The following CSMD1 variants were observed in gnomAD, a reference collection of about 807,000 sequenced individuals.
CSMD1 encodes CUB and sushi domain-containing protein 1.
In CSMD1, 213 loss-of-function variants were observed where a neutral mutation model predicts 417.5. The observed-to-expected ratio is 0.51, with a 90% CI of 0.46 to 0.57. CSMD1 has a LOEUF of 0.57. Ranked by LOEUF, CSMD1 falls within the 20% of genes least tolerant of loss-of-function variation. The pLI is 0.00. For missense variants in CSMD1, 6,923 were observed against 4,529.7 expected (o/e 1.53, Z -15.17); for synonymous variants, 2,862 against 1,736.8 (o/e 1.65, Z -16.11).
At chr8:4,165,738 C>G (rs1797419790) in intron 3 of CSMD1, among the ~76,000 whole-genome samples, 1 of 152,166 alleles carries the variant, frequency 6.6e-6, no homozygotes, top group African/African-American at 2.4e-5. Context: ...AATCACTAAG[C>G]ATCTCATCAT....
At chr8:4,154,550 G>C (rs778610909) in intron 3 of CSMD1, among the ~76,000 whole-genome samples, 1 of 152,194 alleles carries the variant, frequency 6.6e-6, no homozygotes, top group Admixed American at 6.5e-5. Flanking sequence ...AGGACACTAT[G>C]CTTCTAACGC....
chr8:4,781,825 T>A lies in CSMD1; in HGVS notation c.86-144267A>T, dbSNP rs536078904. Among the ~76,000 whole-genome samples the A allele has an allele frequency of 5.9e-5, 9 of 152,300 alleles. No homozygotes were observed. The East Asian group carries it at 1.5e-3, about 26-fold the overall frequency. ...CTCACCTAGGCCAGTAAAACATCAT[T>A]CACGATGACGGTTCCATATTTTAGT... is the stretch of plus-strand genomic sequence containing the variant. On this transcript the variant is annotated intron_variant, in intron 1 of 69. Coordinates refer to ENST00000635120, the MANE Select transcript of CSMD1 (RefSeq NM_033225.6).
chr8:3,929,763 G>A (rs1037446196), intron 5 of CSMD1, among the ~76,000 whole-genome samples: 1 of 149,632 alleles, frequency 6.7e-6, no homozygotes, highest in African/African-American at 2.5e-5. Flanking sequence ...CTGGATACAA[G>A]CAATTCTCCT....
intron 6 of CSMD1, among the ~76,000 whole-genome samples, chr8:3,730,278 G>C (rs1407141928): frequency 1.3e-5 from 2 of 151,824 alleles, no homozygotes; most frequent in East Asian, 1.9e-4. Context: ...GAGCCCCTTG[G>C]ATGCATCATC....
intron 3 of CSMD1, among the ~76,000 whole-genome samples, chr8:4,104,604 C>A (rs1801474727): frequency 6.6e-6 from 1 of 151,952 alleles, no homozygotes; most frequent in Admixed American, 6.5e-5. Context: ...TGAGAACGGT[C>A]TGAATTAGAG....
rs896583569 is a variant in CSMD1 at position 4,459,838 on chromosome 8, A to G, written c.303-39773T>C. On this transcript the variant is annotated intron_variant, in intron 2 of 69. Transcript: ENST00000635120. ...TGGTACTTTGTGTCACTGGGCCTAG[A>G]TAACTAAAGCATGCCCCTACCAGAG... Among the ~76,000 whole-genome samples the G allele has an allele frequency of 4.6e-5, 7 of 152,206 alleles. No homozygotes were observed. In the South Asian group the frequency reaches 6.2e-4, roughly 13 times the overall value.
intron 1 of CSMD1, among the ~76,000 whole-genome samples, chr8:4,821,370 G>C (rs548078063): frequency 1.3e-5 from 2 of 152,126 alleles, no homozygotes; most frequent in Non-Finnish European, 2.9e-5. Context: ...GCTCCAAAGA[G>C]GTGCGTTTAT....
At chr8:4,444,823 A>G (rs1268939421) in intron 2 of CSMD1, among the ~76,000 whole-genome samples, 1 of 152,222 alleles carries the variant, frequency 6.6e-6, no homozygotes, top group Non-Finnish European at 1.5e-5. Flanking sequence ...GACCTCAGCC[A>G]CAAGCCTTCA....
Position 3,644,966 on chromosome 8 carries a change from G to GAAAAAAAAAA in CSMD1, c.1010-28179_1010-28170dup, listed in dbSNP as rs71203456. ...GTTACGGATCACTAAGGCTTTAAAT[G>GAAAAAAAAAA]AAAAAAAAAAAAAAAAAAAAAAAAA... On this transcript the variant is annotated intron_variant, in intron 7 of 69. Coordinates refer to ENST00000635120, the MANE Select transcript of CSMD1 (RefSeq NM_033225.6). Among the ~76,000 whole-genome samples, 58 of 64,520 alleles carry GAAAAAAAAAA rather than the reference G, an allele frequency of 9.0e-4. 5 individuals are homozygous for GAAAAAAAAAA. The highest frequency in any genetic ancestry group is 3.8e-3 in the African/African-American group (47 of 12,498). The allele number at this position is 64,520 out of a possible 152,430, so 42.3% of individuals were successfully genotyped here.
intron 1 of CSMD1, among the ~76,000 whole-genome samples, chr8:4,843,329 G>C (rs1433735623): frequency 1.3e-5 from 2 of 152,102 alleles, no homozygotes; most frequent in African/African-American, 2.4e-5. Context: ...CACTCCTGAG[G>C]CTCAAAACTT....
intron 37 of CSMD1, among the ~76,000 whole-genome samples, chr8:3,177,990 C>A (rs376797125): frequency 2.0e-5 from 3 of 152,110 alleles, no homozygotes; most frequent in Non-Finnish European, 4.4e-5. Flanking sequence ...ATAACGTGAA[C>A]GAAGACTAAA....
At chr8:3,508,983 G>A (rs985442219) in intron 10 of CSMD1, among the ~76,000 whole-genome samples, 4 of 152,176 alleles carry the variant, frequency 2.6e-5, no homozygotes, top group African/African-American at 9.6e-5. Context: ...ACTTAAGTGA[G>A]AATATCTCAG....
At position 3,969,388 on chromosome 8, in the gene CSMD1, C is replaced by A. The variant is rs556966697; in HGVS notation, c.818+28515G>T. ...GCTCAGAAGCTGAAAAACATTGCTCCAATCTCTCACTTATACCTCCTCTTC... is the reference window on the plus strand; with the variant it reads ...GCTCAGAAGCTGAAAAACATTGCTCAAATCTCTCACTTATACCTCCTCTTC... On this transcript the variant is annotated intron_variant, in intron 5 of 69. Transcript: ENST00000635120. 2.0e-5 allele frequency among the ~76,000 whole-genome samples: 3 copies of A among 152,244 alleles called. No individual in the cohort carries two copies. In the South Asian group the frequency reaches 6.2e-4, roughly 32 times the overall value.
At position 3,175,620 on chromosome 8, in the gene CSMD1, C is replaced by CATGGGTTTCATG. The variant is rs1585559249; in HGVS notation, c.5725+5489_5725+5490insCATGAAACCCAT. 2.0e-5 allele frequency among the ~76,000 whole-genome samples: 3 copies of CATGGGTTTCATG among 150,562 alleles called. No individual in the cohort carries two copies. In the East Asian group the frequency reaches 5.9e-4, roughly 30 times the overall value. ...TCCCTCCCTCCCTTCCTGAGGTTGC[C>CATGGGTTTCATG]TTTGCCATGGGTTTCATGTTTGAGG... On this transcript the variant is annotated intron_variant, in intron 37 of 69. Transcript: ENST00000635120.
intron 5 of CSMD1, among the ~76,000 whole-genome samples, chr8:3,768,974 C>T (rs1029246472): frequency 3.3e-5 from 5 of 152,228 alleles, no homozygotes; most frequent in Non-Finnish European, 7.3e-5. Flanking sequence ...CAGGAAAGGC[C>T]TGGCGGATTC....
intron 5 of CSMD1, among the ~76,000 whole-genome samples, chr8:3,819,065 C>T: frequency 6.6e-6 from 1 of 152,148 alleles, no homozygotes; most frequent in East Asian, 1.9e-4. Context: ...AGGAAAATGG[C>T]ACAGCTTCAT....
At chr8:3,025,845 T>A (rs1364839657) in intron 51 of CSMD1, among the ~76,000 whole-genome samples, 1 of 152,254 alleles carries the variant, frequency 6.6e-6, no homozygotes, top group Admixed American at 6.5e-5. Context: ...ATATGTTATT[T>A]TAAATTAATA....
At chr8:4,724,570 T>C (rs1397606740) in intron 1 of CSMD1, among the ~76,000 whole-genome samples, 1 of 149,994 alleles carries the variant, frequency 6.7e-6, no homozygotes, top group African/African-American at 2.5e-5. Context: ...GTGTTTATAC[T>C]CCCAGTGAAA....
chr8:4,104,574 T>C (rs1005708050), intron 3 of CSMD1, among the ~76,000 whole-genome samples: 2 of 150,172 alleles, frequency 1.3e-5, no homozygotes, highest in Admixed American at 6.6e-5. Flanking sequence ...AAACTGTAAA[T>C]AAATGAATTA....
Sources: allele counts gnomAD v4.1 joint callset (sites outside exome capture counted in the v4.1 genomes callset), GRCh38; gene constraint gnomAD v4.1.1; transcripts MANE v1.5; gene names NCBI Gene and HGNC (gene_info 2026-07-23, HGNC 2026-07-21).